DNAJB4: variants seen among roughly 807,000 people sequenced by gnomAD.
The protein encoded by DNAJB4 is DnaJ heat shock protein family (Hsp40) member B4.
A neutral mutation model predicts 26.6 loss-of-function variants in DNAJB4; 10 were observed. The observed-to-expected ratio is 0.38, with a 90% CI of 0.23 to 0.64. The LOEUF is 0.64. DNAJB4 is among the 30% of genes least tolerant of loss of function. The pLI is 0.58. For synonymous variants in DNAJB4, 136 were observed against 134.8 expected (o/e 1.01, Z -0.06); for missense variants, 328 against 408.2 (o/e 0.80, Z 1.69).
rs563137144 is a variant in DNAJB4 at position 78,014,610 on chromosome 1, T to C, written c.780+991T>C. 2.6e-5 allele frequency among the ~76,000 whole-genome samples: 4 copies of C among 151,986 alleles called. No homozygotes were observed. In the East Asian group the frequency reaches 7.7e-4, roughly 29 times the overall value. On this transcript the variant is annotated intron_variant, in intron 2 of 2. Coordinates refer to ENST00000370763, the MANE Select transcript of DNAJB4 (RefSeq NM_007034.5). ...GTTTGCTCTATTATTATTATTATTA[T>C]TTTTTTGAGATGGAGTCTCGCTCTG...
chr1:77,989,399 G>C (rs538506197), intron 1 of DNAJB4, among the ~76,000 whole-genome samples: 1 of 151,888 alleles, frequency 6.6e-6, no homozygotes, highest in Non-Finnish European at 1.5e-5. Flanking sequence ...CTTATTACAA[G>C]TCTATCTCCT....
intron 1 of DNAJB4, among the ~76,000 whole-genome samples, chr1:77,984,404 A>G (rs1051014845): frequency 6.6e-6 from 1 of 152,240 alleles, no homozygotes; most frequent in Non-Finnish European, 1.5e-5. Flanking sequence ...TTTTAGCCGT[A>G]CGTGGACCTA....
chr1:77,998,801 A>C (rs1323545689), intron 1 of DNAJB4, among the ~76,000 whole-genome samples: 1 of 152,092 alleles, frequency 6.6e-6, no homozygotes, highest in Non-Finnish European at 1.5e-5. Context: ...TTGTGAGATC[A>C]GGAACACAAT....
intron 1 of DNAJB4, among the ~76,000 whole-genome samples, chr1:77,993,784 C>A (rs1659996580): frequency 1.3e-5 from 2 of 152,102 alleles, no homozygotes; most frequent in Admixed American, 1.3e-4. Flanking sequence ...ATAACTTGAA[C>A]ATTAAAACCC....
At chr1:77,981,596 G>A (rs1571417767) in intron 1 of DNAJB4, among the ~76,000 whole-genome samples, 1 of 152,168 alleles carries the variant, frequency 6.6e-6, no homozygotes. Context: ...ACAGGCATGA[G>A]CCACCGCGCC....
chr1:78,013,112 T>C lies in DNAJB4; in HGVS notation c.273T>C (p.His91=), dbSNP rs749667330. The change falls in exon 2 of 3, where the codon CAT becomes CAC. Residue 91 remains histidine, a synonymous_variant. Transcript: ENST00000370763. ...GAGGTACCTTCCGGTACACCTTTCA[T>C]GGCGATCCTCATGCTACATTTGCTG... The part of the protein sequence containing the change: ...GQGGTFRYTF[H]GDPHATFAAF... 1.2e-6 allele frequency: 2 copies of C among 1,614,128 alleles called. No individual in the cohort carries two copies. The highest frequency in any genetic ancestry group is 1.7e-5 in the Admixed American group (1 of 60,028).
At chr1:78,006,745 T>G (rs1421086004) in intron 1 of DNAJB4, among the ~76,000 whole-genome samples, 4 of 152,188 alleles carry the variant, frequency 2.6e-5, no homozygotes, top group Non-Finnish European at 5.9e-5. Flanking sequence ...ATGGCCATAT[T>G]ACCCAAAATA....
rs763384976 is a variant in DNAJB4 at position 78,013,614 on chromosome 1, C to T, written c.775C>T (p.Arg259Ter). The T allele has an allele frequency of 3.2e-6, 5 of 1,574,028 alleles. No homozygotes were observed. The highest frequency in any genetic ancestry group is 1.2e-5 in the South Asian group (1 of 84,314). The change falls in exon 2 of 3, where the codon CGA becomes TGA. Residue 259 changes from arginine to a stop codon, truncating the protein, a stop_gained. Coordinates refer to ENST00000370763, the MANE Select transcript of DNAJB4 (RefSeq NM_007034.5). LOFTEE classifies it high-confidence loss of function. ...NIIYTAKISL[R>*]EALCGCSINV... ...AATTTATACTGCTAAAATTAGTTTA[C>T]GAGAGGTAAGTTGGTAGGACCTAAA...
chr1:78,003,029 AT>A (rs139904898), upstream of DNAJB4, among the ~76,000 whole-genome samples: 2 of 148,946 alleles, frequency 1.3e-5, no homozygotes, highest in African/African-American at 2.5e-5. Flanking sequence ...ATAAGTGTCT[AT>A]TTTTTTTTTC....
In DNAJB4 at chr1:78,016,006, C is replaced by G. The variant is rs1660631903; in HGVS notation, c.781-8C>G. The G allele has an allele frequency of 5.0e-6, 8 of 1,606,150 alleles. No individual in the cohort carries two copies. Among genetic ancestry groups the G allele is most frequent in the African/African-American group, 1.3e-5 (1 of 74,412 alleles). ...TGTTTTCATTTTATTTTATTTGGTC[C>G]ATTTTAGGCATTGTGTGGCTGCTCA... On this transcript the variant is annotated splice_polypyrimidine_tract_variant and splice_region_variant and intron_variant, in intron 2 of 2. Coordinates refer to ENST00000370763, the MANE Select transcript of DNAJB4 (RefSeq NM_007034.5).
At chr1:77,998,824 CAG>C (rs1660125345) in intron 1 of DNAJB4, among the ~76,000 whole-genome samples, 2 of 147,556 alleles carry the variant, frequency 1.4e-5, no homozygotes, top group South Asian at 4.4e-4. Flanking sequence ...GCCTGGGCAA[CAG>C]AGTGAGATCC....
At chr1:78,011,777 C>T (rs1660483287) in intron 1 of DNAJB4, among the ~76,000 whole-genome samples, 1 of 151,886 alleles carries the variant, frequency 6.6e-6, no homozygotes, top group South Asian at 2.1e-4. Context: ...AGCCACTGCA[C>T]CTGGCCCTAT....
At chr1:78,014,201 G>A (rs751593601) in intron 2 of DNAJB4, among the ~76,000 whole-genome samples, 19 of 150,832 alleles carry the variant, frequency 1.3e-4, no homozygotes, top group Non-Finnish European at 2.4e-4. Context: ...CTCTGCCTCC[G>A]GGTTCAAGTG....
At position 78,012,507 on chromosome 1, in the gene DNAJB4, A is replaced by C. The variant is rs541957123; in HGVS notation, c.212-544A>C. On this transcript the variant is annotated intron_variant, in intron 1 of 2. Transcript: ENST00000370763. ...ACCCGTGGAACAAAGAATCAGGAATAAATATTAGAGATGCTGATTTGGCCG... is the reference window on the plus strand; with the variant it reads ...ACCCGTGGAACAAAGAATCAGGAATCAATATTAGAGATGCTGATTTGGCCG... Among the ~76,000 whole-genome samples the C allele has an allele frequency of 5.9e-5, 9 of 152,006 alleles. No individual in the cohort carries two copies. In the East Asian group the frequency reaches 1.7e-3, roughly 30 times the overall value.
At chr1:78,011,447 A>T (rs1010331008) in intron 1 of DNAJB4, among the ~76,000 whole-genome samples, 4 of 151,152 alleles carry the variant, frequency 2.6e-5, no homozygotes, top group Admixed American at 6.6e-5. Context: ...CATTATTAGA[A>T]TTTTTTTCAC....
chr1:78,002,891 C>A (rs1011443018), upstream of DNAJB4, among the ~76,000 whole-genome samples: 8 of 152,128 alleles, frequency 5.3e-5, no homozygotes, highest in Non-Finnish European at 2.9e-5. Flanking sequence ...AGCCAGATTT[C>A]TTTCCGTCTG....
intron 2 of DNAJB4, 60 bp from the exon 3 acceptor site, chr1:78,015,954 T>C: frequency 7.1e-7 from 1 of 1,407,870 alleles, no homozygotes; most frequent in Non-Finnish European, 9.8e-7. Context: ...CTGGTAAAAT[T>C]TGTGCTTAGA....
chr1:77,998,519 C>T (rs1365580826), intron 1 of DNAJB4, among the ~76,000 whole-genome samples: 3 of 152,096 alleles, frequency 2.0e-5, no homozygotes, highest in Admixed American at 6.6e-5. Flanking sequence ...CAGCTTGTAA[C>T]GTAGATAAGG....
intron 1 of DNAJB4, among the ~76,000 whole-genome samples, chr1:77,989,271 T>G (rs1405695173): frequency 1.3e-5 from 2 of 152,234 alleles, no homozygotes; most frequent in Non-Finnish European, 2.9e-5. Context: ...TTTTATCTTC[T>G]TTGAGATGTC....
Sources: gnomAD v4.1 joint callset for allele counts (sites outside exome capture counted in the v4.1 genomes callset) on GRCh38, gnomAD v4.1.1 for gene constraint, MANE v1.5 for transcripts, NCBI Gene and HGNC (gene_info 2026-07-23, HGNC 2026-07-21) for gene names.